Variants in BBOF1 observed in about 807,000 individuals in gnomAD.
The protein encoded by BBOF1 is basal body-orientation factor 1.
Under a neutral mutation model 68.0 loss-of-function variants are expected in BBOF1, and 62 were observed. The ratio of observed to expected loss-of-function variants is 0.91; its 90% CI spans 0.74 to 1.13. The LOEUF is 1.13. Ranked by LOEUF, BBOF1 falls within the 50% of genes most tolerant of loss-of-function variation. The pLI is 0.00. For missense variants in BBOF1, 534 were observed against 600.1 expected, an observed-to-expected ratio of 0.89 and a Z score of 1.15; for synonymous variants, 208 against 198.8, an observed-to-expected ratio of 1.05 and a Z score of -0.39.
intron 6 of BBOF1, among the ~76,000 whole-genome samples, chr14:74,046,402 CATCCAGGCT>C (rs3082878): frequency 0.24 from 36,438 of 151,894 alleles, 4,896 homozygotes; most frequent in South Asian, 0.46. Flanking sequence ...CTTGTTCTGT[CATCCAGGCT>C]ATCCAGGCTG....
At chr14:74,060,558 G>C in intron 11 of BBOF1, 1 of 1,025,750 alleles carries the variant, frequency 9.7e-7, no homozygotes, top group Non-Finnish European at 1.6e-6. Context: ...CCATCGATCT[G>C]ATCTGAGCAA....
chr14:74,052,921 G>A (rs1477762382), intron 8 of BBOF1, among the ~76,000 whole-genome samples: 3 of 145,834 alleles, frequency 2.1e-5, no homozygotes, highest in Non-Finnish European at 3.0e-5. Flanking sequence ...GATTGCTTGA[G>A]CCCAGGAGTT....
At position 74,028,465 on chromosome 14, in the gene BBOF1, AATACAC is replaced by A. The variant is rs1595017690; in HGVS notation, c.286-717_286-712del. ...TGACATTACCCTTTACCACTAAAGA[AATACAC>A]ACACACACACACACACACACACACA... On this transcript the variant is annotated intron_variant, in intron 2 of 11. Transcript: ENST00000394009. Among the ~76,000 whole-genome samples the A allele has an allele frequency of 7.5e-5, 8 of 106,364 alleles. No individual in the cohort carries two copies. In the East Asian group the frequency reaches 2.2e-3, roughly 29 times the overall value. The allele number at this position is 106,364 out of a possible 152,430, so 69.8% of individuals were successfully genotyped here.
downstream of BBOF1, chr14:74,068,798 C>G: frequency 6.3e-7 from 1 of 1,588,124 alleles, no homozygotes; most frequent in Non-Finnish European, 8.6e-7. Flanking sequence ...TGCTGAAGGT[C>G]TGTTCCTAGG....
At chr14:74,053,909 CTG>C (rs1481752126) in intron 8 of BBOF1, among the ~76,000 whole-genome samples, 1 of 151,888 alleles carries the variant, frequency 6.6e-6, no homozygotes, top group Non-Finnish European at 1.5e-5. Flanking sequence ...AGTCTTCGCT[CTG>C]TCACCCAGGC....
chr14:74,022,892 T>G, intron 1 of BBOF1, 24 bp from the exon 2 acceptor site: 3 of 1,354,160 alleles, frequency 2.2e-6, no homozygotes, highest in Non-Finnish European at 3.1e-6. Context: ...AGTCATATAC[T>G]GTCAATATCC....
intron 5 of BBOF1, 94 bp from the exon 6 acceptor site, chr14:74,045,966 G>A: frequency 8.6e-7 from 1 of 1,160,084 alleles, no homozygotes; most frequent in Admixed American, 2.5e-5. Flanking sequence ...GGGGACAGGA[G>A]TTTTTTATTT....
At chr14:74,075,547 C>CT (rs1271974809) in intron 9 of BBOF1, among the ~76,000 whole-genome samples, 5 of 151,892 alleles carry the variant, frequency 3.3e-5, no homozygotes, top group South Asian at 4.1e-4. Context: ...GTCCCAGCTA[C>CT]TAGGGAGGCC....
At chr14:74,056,779 A>G in intron 9 of BBOF1, 127 bp from the exon 10 acceptor site, 1 of 657,086 alleles carries the variant, frequency 1.5e-6, no homozygotes, top group Non-Finnish European at 2.7e-6. Context: ...GTACCCCACA[A>G]ATACGTATAC....
intron 3 of BBOF1, among the ~76,000 whole-genome samples, chr14:74,032,635 A>G (rs1223179704): frequency 6.6e-6 from 1 of 151,566 alleles, no homozygotes; most frequent in Non-Finnish European, 1.5e-5. Context: ...CTGGGATTAC[A>G]GGTGCGTGCC....
chr14:74,041,781 A>G (rs1388310023), intron 5 of BBOF1, among the ~76,000 whole-genome samples: 1 of 152,178 alleles, frequency 6.6e-6, no homozygotes, highest in Non-Finnish European at 1.5e-5. Context: ...TCACTCCTGT[A>G]ATCCCAGCAC....
intron 11 of BBOF1, chr14:74,057,754 C>A: frequency 3.5e-6 from 4 of 1,140,714 alleles, no homozygotes; most frequent in South Asian, 1.9e-5. Context: ...CACATTAGAA[C>A]AAAAAGAAAA....
chr14:74,067,285 C>A (rs559759955), downstream of BBOF1: 3 of 1,373,700 alleles, frequency 2.2e-6, no homozygotes, highest in East Asian at 2.3e-5. Flanking sequence ...CAAGAATAGA[C>A]ATGATTGTTC....
intron 3 of BBOF1, among the ~76,000 whole-genome samples, chr14:74,031,119 C>CTTTT (rs71860688): frequency 1.3e-4 from 19 of 143,524 alleles, no homozygotes; most frequent in South Asian, 6.6e-4. Context: ...CTTTTCTTTT[C>CTTTT]TTTTTTTTTT....
intron 10 of BBOF1, 56 bp downstream of exon 10, chr14:74,057,036 G>A (rs2060228018): frequency 6.3e-7 from 1 of 1,587,708 alleles, no homozygotes. Flanking sequence ...GGTTCTTGTG[G>A]GCATCTTGAA....
intron 4 of BBOF1, among the ~76,000 whole-genome samples, chr14:74,035,099 GTAAAA>G (rs1392956809): frequency 6.6e-6 from 1 of 151,888 alleles, no homozygotes; most frequent in Non-Finnish European, 1.5e-5. Flanking sequence ...CAAAAAAAAA[GTAAAA>G]TAAAATAAGA....
At chr14:74,024,218 G>A (rs2059373975) in intron 2 of BBOF1, among the ~76,000 whole-genome samples, 1 of 152,106 alleles carries the variant, frequency 6.6e-6, no homozygotes, top group Non-Finnish European at 1.5e-5. Context: ...CAACACTTTG[G>A]GAGGAAGAGG....
intron 3 of BBOF1, among the ~76,000 whole-genome samples, chr14:74,032,356 A>T (rs896236345): frequency 1.3e-5 from 2 of 151,662 alleles, no homozygotes; most frequent in African/African-American, 2.4e-5. Flanking sequence ...TGAACTCCTG[A>T]CCTCAAGTGA....
chr14:74,053,444 A>G (rs1445723905), intron 8 of BBOF1, among the ~76,000 whole-genome samples: 8 of 143,588 alleles, frequency 5.6e-5, no homozygotes, highest in African/African-American at 1.8e-4. Context: ...GTCTCACTCT[A>G]TTGCCCAGGT....
Sources: gnomAD v4.1 joint callset for allele counts (sites outside exome capture counted in the v4.1 genomes callset) on GRCh38, gnomAD v4.1.1 for gene constraint, MANE v1.5 for transcripts, NCBI Gene and HGNC (gene_info 2026-07-23, HGNC 2026-07-21) for gene names.